Variants in SPATA16 observed in about 807,000 individuals in gnomAD.
The protein encoded by SPATA16 is spermatogenesis-associated protein 16.
In SPATA16, 36 loss-of-function variants were observed where a neutral mutation model predicts 63.3. The observed-to-expected ratio is 0.57, with a 90% CI of 0.44 to 0.75. SPATA16 has a LOEUF of 0.75. Among genes scored for constraint, SPATA16 ranks in the 30% least tolerant of loss-of-function variants. The probability of loss-of-function intolerance (pLI) is 0.00; values close to 1 mark genes in which losing one functional copy is unlikely to be tolerated. For missense variants in SPATA16, 646 were observed against 679.3 expected, an observed-to-expected ratio of 0.95 and a Z score of 0.54; for synonymous variants, 203 against 216.7, an observed-to-expected ratio of 0.94 and a Z score of 0.56.
Position 173,048,996 on chromosome 3 carries a change from A to G in SPATA16, c.711T>C (p.Cys237=), listed in dbSNP as rs1016313826. The change falls in exon 3 of 11, where the codon TGT becomes TGC. Residue 237 remains cysteine (C), a synonymous_variant. Coordinates refer to ENST00000351008, the MANE Select transcript of SPATA16 (RefSeq NM_031955.6). ...GATCTGGTTTCCTCATCCGTAGATAACAGGTAACAAGCTTTGTCTCAATGA... is the reference window on the plus strand; with the variant it reads ...GATCTGGTTTCCTCATCCGTAGATAGCAGGTAACAAGCTTTGTCTCAATGA... The part of the protein sequence containing the change: ...ASFIETKLVT[C]YLRMRKPDLA... 3.7e-6 allele frequency: 6 copies of G among 1,613,766 alleles called. No individual in the cohort carries two copies. The African/African-American group carries it at 6.7e-5, about 18-fold the overall frequency.
chr3:173,052,233 A>G (rs1328539638), intron 2 of SPATA16, among the ~76,000 whole-genome samples: 2 of 152,214 alleles, frequency 1.3e-5, no homozygotes, highest in Non-Finnish European at 2.9e-5. Flanking sequence ...AAGACTGTCT[A>G]TAAACACTGA....
chr3:173,134,824 T>C (rs771153157), intron 1 of SPATA16, among the ~76,000 whole-genome samples: 8 of 152,222 alleles, frequency 5.3e-5, no homozygotes, highest in Non-Finnish European at 8.8e-5. Context: ...ATACCTATCT[T>C]ACATAATGCA....
At chr3:173,049,890 T>A (rs1736044744) in intron 2 of SPATA16, among the ~76,000 whole-genome samples, 1 of 152,082 alleles carries the variant, frequency 6.6e-6, no homozygotes, top group East Asian at 1.9e-4. Flanking sequence ...ATTCTACTGT[T>A]CCTTGAAATT....
intron 2 of SPATA16, among the ~76,000 whole-genome samples, chr3:173,084,095 T>C (rs889094270): frequency 6.6e-6 from 1 of 152,128 alleles, no homozygotes; most frequent in Admixed American, 6.5e-5. Flanking sequence ...CAAGGAATCG[T>C]TACACTGTCT....
intron 4 of SPATA16, among the ~76,000 whole-genome samples, chr3:172,989,605 C>A (rs748866714): frequency 7.2e-5 from 11 of 152,076 alleles, no homozygotes; most frequent in East Asian, 3.9e-4. Context: ...TAGTACAATG[C>A]GGATAATAAT....
chr3:172,990,975 CAGG>C (rs1464497300), intron 4 of SPATA16, among the ~76,000 whole-genome samples: 1 of 152,080 alleles, frequency 6.6e-6, no homozygotes, highest in Non-Finnish European at 1.5e-5. Context: ...TGAGCAGCAG[CAGG>C]AGAAGGGCAA....
At chr3:172,897,249 A>G (rs1313328182) in intron 10 of SPATA16, among the ~76,000 whole-genome samples, 1 of 152,160 alleles carries the variant, frequency 6.6e-6, no homozygotes, top group Non-Finnish European at 1.5e-5. Context: ...CCTTTATAAA[A>G]ACAATCAGTA....
chr3:173,100,848 A>G (rs1307362944), intron 2 of SPATA16, among the ~76,000 whole-genome samples: 3 of 152,226 alleles, frequency 2.0e-5, no homozygotes, highest in Non-Finnish European at 4.4e-5. Flanking sequence ...ACAATTACTT[A>G]GTAATGTTTC....
At chr3:172,903,293 A>C (rs1444081619) in intron 10 of SPATA16, among the ~76,000 whole-genome samples, 1 of 152,240 alleles carries the variant, frequency 6.6e-6, no homozygotes, top group Non-Finnish European at 1.5e-5. Context: ...AGAATATTAC[A>C]CTGAAATTTG....
chr3:172,957,745 C>A lies in SPATA16; in HGVS notation c.934-921G>T, dbSNP rs574104496. On this transcript the variant is annotated intron_variant, in intron 5 of 10. Transcript: ENST00000351008. ...AAAATAATAGATATAAGCTTTTCAA[C>A]AGAGAAAAAACCATTTAACAAACAA... 2.4e-3 allele frequency among the ~76,000 whole-genome samples: 364 copies of A among 152,222 alleles called. 1 individual carries two copies. The highest frequency in any genetic ancestry group is 8.5e-3 in the African/African-American group (355 of 41,542).
intron 10 of SPATA16, among the ~76,000 whole-genome samples, chr3:172,895,293 C>T (rs1379809730): frequency 1.3e-5 from 2 of 152,198 alleles, no homozygotes; most frequent in African/African-American, 4.8e-5. Flanking sequence ...CTAACCTCTT[C>T]TTAAGCCCTG....
At chr3:172,920,734 G>A (rs1577089693) in intron 8 of SPATA16, among the ~76,000 whole-genome samples, 1 of 152,130 alleles carries the variant, frequency 6.6e-6, no homozygotes, top group East Asian at 1.9e-4. Context: ...TATTCAATAT[G>A]TTTAGGGAAC....
chr3:173,050,104 T>A (rs1425740697), intron 2 of SPATA16, among the ~76,000 whole-genome samples: 2 of 152,212 alleles, frequency 1.3e-5, no homozygotes, highest in Non-Finnish European at 2.9e-5. Flanking sequence ...AATGACATAG[T>A]TTAAAATAAA....
chr3:172,928,745 A>G (rs989799861), intron 6 of SPATA16, among the ~76,000 whole-genome samples: 2 of 152,210 alleles, frequency 1.3e-5, no homozygotes, highest in African/African-American at 4.8e-5. Flanking sequence ...CTGATCCTAT[A>G]TGCTTCATCC....
At chr3:173,086,220 G>T (rs145108504) in intron 2 of SPATA16, among the ~76,000 whole-genome samples, 1 of 152,070 alleles carries the variant, frequency 6.6e-6, no homozygotes, top group East Asian at 1.9e-4. Context: ...CTTGTTATTT[G>T]TCTATTCAGG....
intron 6 of SPATA16, among the ~76,000 whole-genome samples, chr3:172,927,023 G>T (rs1287654813): frequency 6.6e-6 from 1 of 152,132 alleles, no homozygotes; most frequent in Non-Finnish European, 1.5e-5. Flanking sequence ...TTCACTATTT[G>T]TCTGTAATAC....
At chr3:172,972,716 C>T (rs1257720345) in intron 5 of SPATA16, among the ~76,000 whole-genome samples, 2 of 151,940 alleles carry the variant, frequency 1.3e-5, no homozygotes, top group Non-Finnish European at 2.9e-5. Flanking sequence ...ATGAGGTGAC[C>T]GAAGTCAAAT....
At chr3:173,000,663 A>G (rs1437768521) in intron 4 of SPATA16, among the ~76,000 whole-genome samples, 2 of 146,924 alleles carry the variant, frequency 1.4e-5, no homozygotes, top group Non-Finnish European at 3.0e-5. Context: ...TATTCCCTTT[A>G]CACATATGTG....
chr3:173,041,754 C>T (rs1735844540), intron 3 of SPATA16, among the ~76,000 whole-genome samples: 1 of 151,586 alleles, frequency 6.6e-6, no homozygotes, highest in Non-Finnish European at 1.5e-5. Context: ...AAATTTTAAA[C>T]CCTCAGTTCT....
Sources: allele counts gnomAD v4.1 joint callset (sites outside exome capture counted in the v4.1 genomes callset), GRCh38; gene constraint gnomAD v4.1.1; transcripts MANE v1.5; gene names NCBI Gene and HGNC (gene_info 2026-07-23, HGNC 2026-07-21).